Variants in PMPCA observed in about 807,000 individuals in gnomAD.
PMPCA encodes the protein mitochondrial-processing peptidase subunit alpha.
In PMPCA, 47 loss-of-function variants were observed where a neutral mutation model predicts 59.3. That is an observed-to-expected ratio of 0.79 (90% CI 0.63 to 1.01). PMPCA has a LOEUF of 1.01. PMPCA is among the 50% of genes least tolerant of loss of function. The probability of loss-of-function intolerance (pLI) is 0.00; values close to 1 mark genes in which losing one functional copy is unlikely to be tolerated. For missense variants in PMPCA, 726 were observed against 704.5 expected (o/e 1.03, Z -0.34); for synonymous variants, 338 against 290.3 (o/e 1.16, Z -1.67).
rs1464662638 is a variant in PMPCA, at chr9:136,410,800, G to C, written c.71+61G>C. On this transcript the variant is annotated intron_variant, in intron 1 of 12. Transcript: ENST00000371717. ...GGGGGCGGCTCGAGTCTTTCTGGAC[G>C]CTCCGTCTTCGGTTTCTACAGGTGA... is the stretch of plus-strand genomic sequence containing the variant. 8 of 1,296,274 alleles carry C rather than the reference G, an allele frequency of 6.2e-6. No individual in the cohort carries two copies. The South Asian group carries it at 1.5e-4, about 24-fold the overall frequency. The allele number at this position is 1,296,274 out of a possible 1,614,324, so 80.3% of individuals were successfully genotyped here. A position where few individuals can be genotyped will look rare whatever the true frequency, so the allele number is the denominator to read the frequency against.
chr9:136,410,812 G>T, intron 1 of PMPCA, 73 bp downstream of exon 1: 1 of 1,235,096 alleles, frequency 8.1e-7, no homozygotes, highest in Non-Finnish European at 1.0e-6. Context: ...TCCGTCTTCG[G>T]TTTCTACAGG....
intron 5 of PMPCA, among the ~76,000 whole-genome samples, chr9:136,415,114 T>C (rs1835237504): frequency 6.6e-6 from 1 of 151,716 alleles, no homozygotes; most frequent in Non-Finnish European, 1.5e-5. Context: ...GAAAAAGAAA[T>C]AGTGCTAGTA....
chr9:136,415,795 G>C (rs772055025), intron 5 of PMPCA, among the ~76,000 whole-genome samples: 1 of 152,206 alleles, frequency 6.6e-6, no homozygotes. Context: ...ACCGCGCCCA[G>C]TTAATTTTTG....
Position 136,412,821 on chromosome 9 carries a change from A to T in PMPCA, c.366A>T (p.Arg122=). The T allele has an allele frequency of 6.2e-7, 1 of 1,600,942 alleles. No homozygotes were observed. Residue 122 remains arginine (R), a synonymous_variant, in exon 4 of 13, where the codon CGA becomes CGT. Coordinates refer to ENST00000371717, the MANE Select transcript of PMPCA (RefSeq NM_015160.3). ...TTTATTTTTACTAGTCTACTGCTCG[A>T]TTTGACAGCAAAGATGAAATTCTGC... The part of the protein sequence containing the change: ...LEKLAFSSTA[R]FDSKDEILLT...
chr9:136,417,471 A>AT (rs537510833), intron 7 of PMPCA, among the ~76,000 whole-genome samples: 4,991 of 132,598 alleles, frequency 0.038, 122 homozygotes, highest in East Asian at 0.095. Flanking sequence ...TGCGTGTTGC[A>AT]TTTTTTTTTT....
Position 136,417,034 on chromosome 9 carries a change from T to C in PMPCA, c.717T>C (p.His239=). 6.2e-7 allele frequency: 1 copy of C among 1,613,884 alleles called. No individual in the cohort carries two copies. The highest frequency in any genetic ancestry group is 1.3e-5 in the African/African-American group (1 of 75,038). ...CAAAGATCAACCGAGAGGTGCTGCA[T>C]TCCTACCTGAGGAACTACTACACTC... The part of the protein sequence containing the change: ...NVAKINREVL[H]SYLRNYYTPD... The change falls in exon 7 of 13, where the codon CAT becomes CAC. Residue 239 remains histidine (H), a synonymous_variant. Coordinates refer to ENST00000371717, the MANE Select transcript of PMPCA (RefSeq NM_015160.3).
Position 136,418,882 on chromosome 9 carries a change from C to T in PMPCA, c.1164C>T (p.Gly388=), listed in dbSNP as rs146684374. ...TSYHHSYEDT[G]LLCIHASADP... ...ACCACCACAGCTACGAGGACACTGG[C>T]CTCCTTTGCATCCATGCCAGCGCCG... The change falls in exon 10 of 13, where the codon GGC becomes GGT. Residue 388 remains glycine (G), a synonymous_variant. Coordinates refer to ENST00000371717, the MANE Select transcript of PMPCA (RefSeq NM_015160.3). 30 of 1,613,618 alleles carry T rather than the reference C, an allele frequency of 1.9e-5. No homozygotes were observed. The African/African-American group carries it at 2.4e-4, about 13-fold the overall frequency.
chr9:136,413,046 G>A (rs1835179072), intron 4 of PMPCA, 154 bp downstream of exon 4: 3 of 621,896 alleles, frequency 4.8e-6, no homozygotes, highest in Non-Finnish European at 8.6e-6. Flanking sequence ...GGTGGATGGC[G>A]CTTACACAGA....
chr9:136,414,680 G>T (rs774337187), intron 5 of PMPCA, 33 bp downstream of exon 5: 1 of 1,398,954 alleles, frequency 7.1e-7, no homozygotes, highest in Non-Finnish European at 1.0e-6. Context: ...TTTGAGGTGG[G>T]CTTGGACATA....
intron 6 of PMPCA, 57 bp downstream of exon 6, chr9:136,416,448 C>A (rs1835277437): frequency 3.3e-6 from 4 of 1,226,634 alleles, no homozygotes; most frequent in South Asian, 2.4e-5. Context: ...CTCGGGACAC[C>A]AGGGGTGGTG....
chr9:136,414,496 C>G (rs1352828177), intron 4 of PMPCA, 57 bp from the exon 5 acceptor site: 3 of 1,173,148 alleles, frequency 2.6e-6, no homozygotes, highest in Non-Finnish European at 3.8e-6. Flanking sequence ...CGTCCCCTGG[C>G]TGTTAAGCAG....
intron 1 of PMPCA, 41 bp from the exon 2 acceptor site, chr9:136,411,956 G>T (rs1320654816): frequency 1.6e-6 from 2 of 1,233,786 alleles, no homozygotes; most frequent in African/African-American, 1.5e-5. Flanking sequence ...CAGGTTTGTT[G>T]TCTCAAGCCT....
At chr9:136,412,280 A>C (rs1835151201) in intron 2 of PMPCA, 81 bp downstream of exon 2, 2 of 1,044,108 alleles carry the variant, frequency 1.9e-6, no homozygotes, top group Non-Finnish European at 3.0e-6. Context: ...TGTAATTAGC[A>C]TGCCAATTAT....
intron 12 of PMPCA, chr9:136,422,245 T>G: frequency 7.2e-7 from 1 of 1,384,660 alleles, no homozygotes; most frequent in Non-Finnish European, 9.5e-7. Context: ...CTGTCACTAC[T>G]GCCCAGAGTT....
At chr9:136,419,375 T>A in intron 11 of PMPCA, 1 of 557,378 alleles carries the variant, frequency 1.8e-6, no homozygotes, top group South Asian at 2.0e-5. Context: ...CCACTACTTC[T>A]TTCTCTGAGC....
intron 1 of PMPCA, chr9:136,411,048 A>T (rs992145398): frequency 9.9e-5 from 32 of 323,602 alleles, no homozygotes; most frequent in Non-Finnish European, 1.7e-4. Context: ...GTGCTCCTTC[A>T]GGAGGCTGAG....
intron 4 of PMPCA, 57 bp downstream of exon 4, chr9:136,412,949 T>C (rs1359538078): frequency 9.8e-7 from 1 of 1,021,478 alleles, no homozygotes; most frequent in Non-Finnish European, 1.6e-6. Context: ...GACGTTCTTG[T>C]CGTTGCTCAG....
intron 11 of PMPCA, chr9:136,421,020 C>T (rs1480233539): frequency 1.3e-5 from 2 of 152,168 alleles, no homozygotes; most frequent in African/African-American, 4.8e-5. Context: ...TCTGCATGTC[C>T]TTCTCACAGC....
At chr9:136,420,075 G>A (rs1440723166) in intron 11 of PMPCA, 1 of 146,240 alleles carries the variant, frequency 6.8e-6, no homozygotes, top group Non-Finnish European at 1.5e-5. Flanking sequence ...CACCTCCCGG[G>A]TTCAGGTGAT....
Sources: allele counts gnomAD v4.1 joint callset (sites outside exome capture counted in the v4.1 genomes callset), GRCh38; gene constraint gnomAD v4.1.1; transcripts MANE v1.5; gene names NCBI Gene and HGNC (gene_info 2026-07-23, HGNC 2026-07-21).